PTPRD: variants seen among roughly 807,000 people sequenced by gnomAD.
The protein encoded by PTPRD is protein tyrosine phosphatase receptor type D, also known as receptor-type tyrosine-protein phosphatase delta.
Under a neutral mutation model 214.5 loss-of-function variants are expected in PTPRD, and 34 were observed. That is an observed-to-expected ratio of 0.16 (90% CI 0.12 to 0.21). PTPRD has a LOEUF of 0.21. PTPRD is among the 10% of genes least tolerant of loss of function. The pLI is 1.00. For synonymous variants in PTPRD, 1,128 were observed against 845.7 expected, an observed-to-expected ratio of 1.33 and a Z score of -5.79; for missense variants, 2,545 against 2,398.7, an observed-to-expected ratio of 1.06 and a Z score of -1.27.
chr9:10,362,222 A>G (rs945145653), intron 2 of PTPRD, among the ~76,000 whole-genome samples: 1 of 152,158 alleles, frequency 6.6e-6, no homozygotes, highest in African/African-American at 2.4e-5. Context: ...TTTCACTACC[A>G]TAACAGTAAC....
chr9:8,581,470 C>T (rs528495954), intron 14 of PTPRD, among the ~76,000 whole-genome samples: 17 of 152,222 alleles, frequency 1.1e-4, no homozygotes, highest in African/African-American at 3.6e-4. Context: ...TGGCCGGGGC[C>T]GGGCGCAGTG....
At chr9:10,444,819 T>C (rs1566077206) in intron 2 of PTPRD, among the ~76,000 whole-genome samples, 1 of 151,962 alleles carries the variant, frequency 6.6e-6, no homozygotes, top group African/African-American at 2.4e-5. Context: ...AAATTAGACT[T>C]TGTGTTTAAA....
At chr9:9,317,476 C>T (rs1484491488) in intron 9 of PTPRD, among the ~76,000 whole-genome samples, 1 of 152,046 alleles carries the variant, frequency 6.6e-6, no homozygotes, top group Non-Finnish European at 1.5e-5. Flanking sequence ...CTCCTTTCCA[C>T]AATTAGGGAT....
intron 3 of PTPRD, among the ~76,000 whole-genome samples, chr9:10,207,845 A>G (rs192703595): frequency 6.6e-6 from 1 of 152,098 alleles, no homozygotes; most frequent in Non-Finnish European, 1.5e-5. Flanking sequence ...CTCGTATGGA[A>G]GCAAAACAAC....
At chr9:8,384,261 G>T (rs1270991856) in intron 37 of PTPRD, among the ~76,000 whole-genome samples, 1 of 152,038 alleles carries the variant, frequency 6.6e-6, no homozygotes, top group Non-Finnish European at 1.5e-5. Context: ...CCATGTGGTT[G>T]CCCAGACCAA....
intron 8 of PTPRD, among the ~76,000 whole-genome samples, chr9:9,424,405 C>T (rs745890449): frequency 3.3e-5 from 5 of 152,140 alleles, no homozygotes; most frequent in Admixed American, 3.3e-4. Context: ...GCAACGGTCA[C>T]TGGTTGAAGG....
intron 11 of PTPRD, among the ~76,000 whole-genome samples, chr9:8,864,499 C>CACCA (rs1161362391): frequency 6.6e-6 from 1 of 152,170 alleles, no homozygotes; most frequent in Non-Finnish European, 1.5e-5. Context: ...CTTCTGCGTC[C>CACCA]ACCAACCAAC....
chr9:10,412,151 T>C (rs2098442358), intron 2 of PTPRD, among the ~76,000 whole-genome samples: 2 of 151,710 alleles, frequency 1.3e-5, no homozygotes, highest in Admixed American at 1.3e-4. Flanking sequence ...ATTTGAAGAC[T>C]AATTCCTCAA....
intron 7 of PTPRD, among the ~76,000 whole-genome samples, chr9:9,605,440 C>T (rs73641332): frequency 0.018 from 2,698 of 152,026 alleles, 67 homozygotes; most frequent in African/African-American, 0.061. Context: ...CCTGCTTCTA[C>T]GTATATTGTC....
intron 9 of PTPRD, among the ~76,000 whole-genome samples, chr9:9,396,890 T>TTATGTG (rs2068050861): frequency 6.6e-6 from 1 of 152,018 alleles, no homozygotes; most frequent in Non-Finnish European, 1.5e-5. Flanking sequence ...TATGTTGTGT[T>TTATGTG]TATTCTTCCA....
Position 10,090,211 on chromosome 9 carries a change from T to C in PTPRD, c.-544-56421A>G, listed in dbSNP as rs148184252. Among the ~76,000 whole-genome samples, 472 of 151,750 alleles carry C rather than the reference T, an allele frequency of 3.1e-3. 3 individuals carry two copies. Among genetic ancestry groups the C allele is most frequent in the African/African-American group, 0.011 (457 of 41,492 alleles). ...CCATATTTAAAACATTTTAGGGTTGTTCTAAACAACAGTGTCAAAAATCTA... is the reference window on the plus strand; with the variant it reads ...CCATATTTAAAACATTTTAGGGTTGCTCTAAACAACAGTGTCAAAAATCTA... On this transcript the variant is annotated intron_variant, in intron 3 of 45. Transcript: ENST00000381196.
At chr9:9,765,805 C>A (rs952058447) in intron 6 of PTPRD, among the ~76,000 whole-genome samples, 22 of 151,934 alleles carry the variant, frequency 1.4e-4, no homozygotes, top group Non-Finnish European at 1.8e-4. Flanking sequence ...GGACTACAGG[C>A]ACCCACCACC....
intron 7 of PTPRD, among the ~76,000 whole-genome samples, chr9:9,610,876 T>A (rs887500299): frequency 1.3e-5 from 2 of 152,202 alleles, no homozygotes; most frequent in African/African-American, 4.8e-5. Context: ...TCCAGTTTTA[T>A]TTCTGCTAAA....
chr9:9,512,585 G>A (rs1197709442), intron 8 of PTPRD, among the ~76,000 whole-genome samples: 1 of 151,752 alleles, frequency 6.6e-6, no homozygotes, highest in African/African-American at 2.4e-5. Context: ...CTCATTTCGT[G>A]AGCCTCTTTT....
At chr9:8,330,881 C>A (rs957866702) in intron 44 of PTPRD, among the ~76,000 whole-genome samples, 1 of 151,944 alleles carries the variant, frequency 6.6e-6, no homozygotes, top group African/African-American at 2.4e-5. Context: ...TGTCAAGTTG[C>A]CAGAACCCTA....
At chr9:10,167,862 T>C (rs557189674) in intron 3 of PTPRD, among the ~76,000 whole-genome samples, 20 of 152,210 alleles carry the variant, frequency 1.3e-4, no homozygotes, top group South Asian at 2.1e-4. Context: ...ACCTTCTCCC[T>C]ATATAGCTGT....
chr9:8,760,344 T>C (rs1257292094), intron 11 of PTPRD, among the ~76,000 whole-genome samples: 2 of 152,202 alleles, frequency 1.3e-5, no homozygotes, highest in South Asian at 2.1e-4. Context: ...GTGAGATCAA[T>C]ATTCATGTTT....
At chr9:10,328,732 T>G (rs902004030) in intron 3 of PTPRD, among the ~76,000 whole-genome samples, 5 of 151,774 alleles carry the variant, frequency 3.3e-5, no homozygotes, top group Non-Finnish European at 7.4e-5. Flanking sequence ...AATAATTTCT[T>G]AATTAATGGT....
At chr9:9,771,514 ATT>A (rs1405379140) in intron 5 of PTPRD, among the ~76,000 whole-genome samples, 1 of 152,212 alleles carries the variant, frequency 6.6e-6, no homozygotes, top group Non-Finnish European at 1.5e-5. Context: ...CAGTTGTATC[ATT>A]GTTTCCCTGT....
Sources: gnomAD v4.1 joint callset for allele counts (sites outside exome capture counted in the v4.1 genomes callset) on GRCh38, gnomAD v4.1.1 for gene constraint, MANE v1.5 for transcripts, NCBI Gene and HGNC (gene_info 2026-07-23, HGNC 2026-07-21) for gene names.